The following FTCDNL1 variants were observed in gnomAD, a reference collection of about 807,000 sequenced individuals.
FTCDNL1 encodes formiminotransferase cyclodeaminase N-terminal like, also known as formiminotransferase N-terminal subdomain-containing protein.
FTCDNL1 carries 11 observed loss-of-function variants against 5.9 expected under a neutral mutation model. The ratio of observed to expected loss-of-function variants is 1.87; its 90% CI spans 1.18 to 3.10. The LOEUF is 3.10. Among genes scored for constraint, FTCDNL1 ranks in the 30% most tolerant of loss-of-function variants. The pLI, the probability that FTCDNL1 is intolerant of heterozygous loss-of-function variation, is 0.00. For synonymous variants in FTCDNL1, 58 were observed against 24.8 expected, an observed-to-expected ratio of 2.34 and a Z score of -3.99; for missense variants, 115 against 65.5, an observed-to-expected ratio of 1.76 and a Z score of -2.61.
rs1020189627 is a variant in FTCDNL1 at position 199,842,756 on chromosome 2, T to C, written c.211+3319A>G. Among the ~76,000 whole-genome samples the C allele has an allele frequency of 3.9e-5, 6 of 152,304 alleles. No individual in the cohort carries two copies. The East Asian group carries it at 1.2e-3, about 29-fold the overall frequency. On this transcript the variant is annotated intron_variant, in intron 3 of 4. Transcript: ENST00000420128. ...TTACACATATCAGTATCAACTCTTT[T>C]ATGTCACTGGGATGCTATTTATTGC...
At chr2:199,667,506 C>G in the FTCDNL1 span, among the ~76,000 whole-genome samples, 5 of 148,726 alleles carry the variant, frequency 3.4e-5, no homozygotes, top group South Asian at 1.1e-3. Context: ...CAAAAAACAA[C>G]AATACATTAG....
chr2:199,757,489 A>T (rs1455147818), downstream of FTCDNL1, among the ~76,000 whole-genome samples: 1 of 152,206 alleles, frequency 6.6e-6, no homozygotes, highest in African/African-American at 2.4e-5. Context: ...CAGAGGAAGA[A>T]GGATCAACAT....
At chr2:199,806,106 AG>A (rs1195360744), downstream of FTCDNL1, among the ~76,000 whole-genome samples, 2 of 152,188 alleles carry the variant, frequency 1.3e-5, no homozygotes, top group Admixed American at 1.3e-4. Flanking sequence ...AGTAATCCAA[AG>A]GCAGTCTGAG....
chr2:199,779,862 T>C (rs1300514687), intron 3 of FTCDNL1, among the ~76,000 whole-genome samples: 2 of 152,184 alleles, frequency 1.3e-5, no homozygotes, highest in East Asian at 3.9e-4. Context: ...CCAGACTGTA[T>C]CCTCCTTGAC....
At chr2:199,816,228 T>G (rs572582746) in intron 4 of FTCDNL1, among the ~76,000 whole-genome samples, 1 of 152,314 alleles carries the variant, frequency 6.6e-6, no homozygotes, top group East Asian at 1.9e-4. Context: ...TTGAGCCTAC[T>G]AAATGATGGA....
the FTCDNL1 span, among the ~76,000 whole-genome samples, chr2:199,733,233 G>A: frequency 2.0e-5 from 3 of 152,336 alleles, no homozygotes; most frequent in African/African-American, 4.8e-5. Context: ...GCAGGAAAGC[G>A]TAAGGCAGGC....
intron 3 of FTCDNL1, among the ~76,000 whole-genome samples, chr2:199,842,812 A>T (rs1231739221): frequency 2.0e-5 from 3 of 152,146 alleles, no homozygotes; most frequent in Non-Finnish European, 2.9e-5. Context: ...GCTGATTATT[A>T]TGTTAAAGCT....
the FTCDNL1 span, among the ~76,000 whole-genome samples, chr2:199,667,667 TAAATC>T: frequency 3.9e-5 from 6 of 152,066 alleles, no homozygotes; most frequent in Admixed American, 3.9e-4. Context: ...AATAAATAAA[TAAATC>T]AAAGAAAATA....
At chr2:199,731,636 C>G in the FTCDNL1 span, among the ~76,000 whole-genome samples, 7 of 152,188 alleles carry the variant, frequency 4.6e-5, no homozygotes, top group Non-Finnish European at 1.0e-4. Flanking sequence ...CGCCTGTAAT[C>G]CCAGCACTTT....
At chr2:199,840,800 TA>T (rs2076564302) in intron 3 of FTCDNL1, among the ~76,000 whole-genome samples, 1 of 148,942 alleles carries the variant, frequency 6.7e-6, no homozygotes, top group Admixed American at 6.7e-5. Context: ...TAAAAACAAA[TA>T]GAAAGAGAGG....
At chr2:199,775,307 T>C (rs1699004316) in intron 3 of FTCDNL1, among the ~76,000 whole-genome samples, 1 of 152,174 alleles carries the variant, frequency 6.6e-6, no homozygotes, top group South Asian at 2.1e-4. Flanking sequence ...TTGAAAACAA[T>C]GTTGTTGTAG....
the FTCDNL1 span, among the ~76,000 whole-genome samples, chr2:199,666,445 C>T: frequency 6.6e-6 from 1 of 152,200 alleles, no homozygotes; most frequent in Admixed American, 6.5e-5. Flanking sequence ...CCATGTTACG[C>T]ATACATGTGG....
downstream of FTCDNL1, among the ~76,000 whole-genome samples, chr2:199,805,637 G>A (rs1055243989): frequency 2.6e-5 from 4 of 152,102 alleles, no homozygotes; most frequent in Non-Finnish European, 4.4e-5. Flanking sequence ...TACTCCAGAG[G>A]CTGAGGCAGC....
At position 199,781,390 on chromosome 2, in the gene FTCDNL1, C is replaced by T. The variant is rs190129802; in HGVS notation, c.212-20555G>A. On this transcript the variant is annotated intron_variant, in intron 3 of 3. Transcript: ENST00000416668. ...ACCTTGGAGGTCATCTTCCAGACCA[C>T]AGAAGCCCTATAAAATTTACTAATT... Among the ~76,000 whole-genome samples, 419 of 152,276 alleles carry T rather than the reference C, an allele frequency of 2.8e-3. 1 individual carries two copies. The highest frequency in any genetic ancestry group is 0.01 in the Middle Eastern group (3 of 294).
the FTCDNL1 span, among the ~76,000 whole-genome samples, chr2:199,717,822 C>T: frequency 6.6e-6 from 1 of 151,882 alleles, no homozygotes; most frequent in Admixed American, 6.6e-5. Context: ...TGTCATCAAC[C>T]TTGCATAAAC....
At chr2:199,846,764 T>C (rs2076743487) in intron 2 of FTCDNL1, among the ~76,000 whole-genome samples, 1 of 152,200 alleles carries the variant, frequency 6.6e-6, no homozygotes, top group Non-Finnish European at 1.5e-5. Context: ...CTCTTGAATA[T>C]GTGTAACCTG....
the FTCDNL1 span, among the ~76,000 whole-genome samples, chr2:199,692,358 G>A: frequency 1.3e-5 from 2 of 152,122 alleles, no homozygotes; most frequent in African/African-American, 2.4e-5. Flanking sequence ...ACCAGGGCTC[G>A]TTTTTTGTAA....
At chr2:199,845,194 T>C (rs2076698933) in intron 3 of FTCDNL1, among the ~76,000 whole-genome samples, 2 of 152,204 alleles carry the variant, frequency 1.3e-5, no homozygotes, top group Admixed American at 1.3e-4. Context: ...ACTCTGAGTT[T>C]TCATTAGTAA....
intron 3 of FTCDNL1, among the ~76,000 whole-genome samples, chr2:199,789,939 A>G (rs1023067618): frequency 6.6e-6 from 1 of 152,158 alleles, no homozygotes; most frequent in African/African-American, 2.4e-5. Context: ...TACTGAAGAC[A>G]TAAAATAAGG....
Sources: gnomAD v4.1 joint callset for allele counts (sites outside exome capture counted in the v4.1 genomes callset) on GRCh38, gnomAD v4.1.1 for gene constraint, MANE v1.5 for transcripts, NCBI Gene and HGNC (gene_info 2026-07-23, HGNC 2026-07-21) for gene names.